Variants in CDK12 observed in about 807,000 individuals in gnomAD.
The protein encoded by CDK12 is cyclin dependent kinase 12, also known as cyclin-dependent kinase 12.
CDK12 carries 17 observed loss-of-function variants against 133.8 expected under a neutral mutation model. That is an observed-to-expected ratio of 0.13 (90% confidence interval 0.09 to 0.19). The LOEUF (loss-of-function observed/expected upper bound fraction) is 0.19, where lower values mean the gene tolerates loss of function less well. CDK12 is among the 10% of genes least tolerant of loss of function. The pLI is 1.00. For synonymous variants in CDK12, 694 were observed against 683.6 expected, an observed-to-expected ratio of 1.02 and a Z score of -0.24; for missense variants, 1,508 against 1,818.7, an observed-to-expected ratio of 0.83 and a Z score of 3.11.
At chr17:39,484,584 C>T (rs2050969652) in intron 2 of CDK12, among the ~76,000 whole-genome samples, 1 of 152,066 alleles carries the variant, frequency 6.6e-6, no homozygotes, top group Non-Finnish European at 1.5e-5. Context: ...AGGATTTGAC[C>T]TCTATTCAAA....
At chr17:39,497,327 TG>T (rs2145984174) in intron 5 of CDK12, among the ~76,000 whole-genome samples, 1 of 152,218 alleles carries the variant, frequency 6.6e-6, no homozygotes, top group African/African-American at 2.4e-5. Flanking sequence ...GCAGATCACT[TG>T]AAGTCAGGAG....
At position 39,501,173 on chromosome 17, in the gene CDK12, A is replaced by G. The variant is rs903186357; in HGVS notation, c.2420-77A>G. 10 of 1,063,050 alleles carry G rather than the reference A, an allele frequency of 9.4e-6. No homozygotes were observed. The Admixed American group carries it at 2.8e-4, about 30-fold the overall frequency. 65.9% of individuals were successfully genotyped at this position (1,063,050 alleles called of 1,614,324 possible). A position where few individuals can be genotyped will look rare whatever the true frequency, so the allele number is the denominator to read the frequency against. ...AGAACCTGTGGTCAACTCCAAAATT[A>G]TATTAGGACTTGAGGCATTGTTATT... On this transcript the variant is annotated intron_variant, in intron 5 of 13. Coordinates refer to ENST00000447079, the MANE Select transcript of CDK12 (RefSeq NM_016507.4).
chr17:39,486,311 G>C (rs2051129276), intron 2 of CDK12, among the ~76,000 whole-genome samples: 1 of 146,028 alleles, frequency 6.8e-6, no homozygotes, highest in Admixed American at 7.0e-5. Context: ...ACTTAGACTG[G>C]AGTGCAGTGG....
At chr17:39,479,907 G>T (rs187199280) in intron 2 of CDK12, among the ~76,000 whole-genome samples, 1 of 145,006 alleles carries the variant, frequency 6.9e-6, no homozygotes, top group African/African-American at 2.6e-5. Flanking sequence ...GATTACAGGC[G>T]TGAGTCACTG....
chr17:39,561,177 A>T (rs948904713), intron 3 of CDK12, among the ~76,000 whole-genome samples: 1 of 152,204 alleles, frequency 6.6e-6, no homozygotes, highest in Admixed American at 6.5e-5. Flanking sequence ...CAGCCTTTGG[A>T]TGCCTATCAG....
intron 2 of CDK12, among the ~76,000 whole-genome samples, chr17:39,552,721 A>T (rs2056001630): frequency 6.6e-6 from 1 of 151,960 alleles, no homozygotes; most frequent in African/African-American, 2.4e-5. Flanking sequence ...CCCACTCCTA[A>T]GGCTTTTTTG....
intron 3 of CDK12, among the ~76,000 whole-genome samples, chr17:39,491,288 G>A (rs1233731979): frequency 6.6e-6 from 1 of 151,934 alleles, no homozygotes; most frequent in Non-Finnish European, 1.5e-5. Flanking sequence ...CCCAGGCTGG[G>A]GTGCAGTGAT....
intron 13 of CDK12, chr17:39,529,818 CAG>C (rs2054716422): frequency 6.6e-6 from 1 of 152,066 alleles, no homozygotes; most frequent in Non-Finnish European, 1.5e-5. Flanking sequence ...CCAAGATAAA[CAG>C]ATGTTTATCA....
chr17:39,560,906 T>A (rs147299552), intron 3 of CDK12, among the ~76,000 whole-genome samples: 1 of 152,172 alleles, frequency 6.6e-6, no homozygotes, highest in African/African-American at 2.4e-5. Flanking sequence ...TCTCAGCTAC[T>A]CAGGAGGCTG....
chr17:39,511,480 C>A, intron 7 of CDK12, 49 bp from the exon 8 acceptor site: 1 of 1,172,644 alleles, frequency 8.5e-7, no homozygotes, highest in Non-Finnish European at 1.3e-6. Context: ...GAATATTTTT[C>A]ATCAGAAGCC....
intron 10 of CDK12, among the ~76,000 whole-genome samples, chr17:39,519,734 G>A (rs753693907): frequency 1.3e-5 from 2 of 151,896 alleles, no homozygotes; most frequent in Non-Finnish European, 2.9e-5. Flanking sequence ...AGACTACAGG[G>A]TGCACAGCAT....
At chr17:39,498,475 G>A (rs1455603160) in intron 5 of CDK12, among the ~76,000 whole-genome samples, 5 of 152,168 alleles carry the variant, frequency 3.3e-5, no homozygotes, top group African/African-American at 7.2e-5. Context: ...CACCCGCCTC[G>A]GCCTCCCAAA....
chr17:39,499,455 C>T (rs1380916642), intron 5 of CDK12, among the ~76,000 whole-genome samples: 14 of 147,818 alleles, frequency 9.5e-5, no homozygotes, highest in Non-Finnish European at 1.8e-4. Flanking sequence ...GTGATCTGCC[C>T]GCCTTGGCCT....
At chr17:39,547,803 A>G (rs2055785985), upstream of CDK12, 1 of 152,344 alleles carries the variant, frequency 6.6e-6, no homozygotes, top group African/African-American at 2.4e-5. Flanking sequence ...TCATCCCTGC[A>G]ATCCAGACAG....
chr17:39,505,547 T>G (rs958189172), intron 6 of CDK12, among the ~76,000 whole-genome samples: 1 of 148,152 alleles, frequency 6.7e-6, no homozygotes, highest in African/African-American at 2.5e-5. Context: ...AAAAAAAGAT[T>G]TGGGAAAGAA....
intron 1 of CDK12, among the ~76,000 whole-genome samples, chr17:39,465,321 C>T (rs2049224850): frequency 6.9e-6 from 1 of 145,340 alleles, no homozygotes; most frequent in Admixed American, 6.9e-5. Context: ...CTTTTATTTT[C>T]ATTTATTTCA....
chr17:39,522,394 C>A (rs1010276803), intron 11 of CDK12, among the ~76,000 whole-genome samples: 2 of 150,514 alleles, frequency 1.3e-5, no homozygotes, highest in African/African-American at 4.9e-5. Context: ...GCCAACAGTC[C>A]CAGTTTTAAA....
downstream of CDK12, chr17:39,564,935 A>AT (rs2056518230): frequency 6.6e-6 from 1 of 152,240 alleles, no homozygotes; most frequent in African/African-American, 2.4e-5. Context: ...GAAACAAAAT[A>AT]TTTAGAACTT....
downstream of CDK12, among the ~76,000 whole-genome samples, chr17:39,536,730 T>G (rs2055149918): frequency 6.6e-6 from 1 of 152,198 alleles, no homozygotes; most frequent in South Asian, 2.1e-4. Flanking sequence ...CTTTGACCAC[T>G]GGATTTCTCT....
Sources: gnomAD v4.1 joint callset for allele counts (sites outside exome capture counted in the v4.1 genomes callset) on GRCh38, gnomAD v4.1.1 for gene constraint, MANE v1.5 for transcripts, NCBI Gene and HGNC (gene_info 2026-07-23, HGNC 2026-07-21) for gene names.